The following VRK2 variants were observed in gnomAD, a reference collection of about 807,000 sequenced individuals.
VRK2 encodes serine/threonine-protein kinase VRK2.
VRK2 carries 60 observed loss-of-function variants against 57.6 expected under a neutral mutation model. That is an observed-to-expected ratio of 1.04 (90% CI 0.85 to 1.29). VRK2 has a LOEUF of 1.29. Ranked by LOEUF, VRK2 falls within the 50% of genes most tolerant of loss-of-function variation. The probability of loss-of-function intolerance (pLI) is 0.00; values close to 1 mark genes in which losing one functional copy is unlikely to be tolerated. For missense variants in VRK2, 705 were observed against 588.1 expected (o/e 1.20, Z -2.06); for synonymous variants, 231 against 199.2 (o/e 1.16, Z -1.35).
chr2:58,026,100 T>C (rs1303833971), intron 2 of VRK2, among the ~76,000 whole-genome samples: 2 of 152,152 alleles, frequency 1.3e-5, no homozygotes, highest in Non-Finnish European at 2.9e-5. Flanking sequence ...CCTCTTTCAA[T>C]GTACTCTGTC....
intron 7 of VRK2, among the ~76,000 whole-genome samples, chr2:58,099,870 A>G (rs1292181535): frequency 6.6e-6 from 1 of 152,082 alleles, no homozygotes; most frequent in Non-Finnish European, 1.5e-5. Flanking sequence ...TGAGATTTCA[A>G]CTAAGTGATC....
chr2:58,032,932 T>A (rs1674161145), intron 2 of VRK2, among the ~76,000 whole-genome samples: 1 of 152,096 alleles, frequency 6.6e-6, no homozygotes, highest in Admixed American at 6.6e-5. Context: ...CGTAATTTGT[T>A]GTGTGTGGGT....
rs569975338 is a variant in VRK2 at position 58,117,397 on chromosome 2, A to C, written c.544-5704A>C. Among the ~76,000 whole-genome samples the C allele has an allele frequency of 2.0e-5, 3 of 152,142 alleles. No homozygotes were observed. In the East Asian group the frequency reaches 5.8e-4, roughly 29 times the overall value. On this transcript the variant is annotated intron_variant, in intron 7 of 12. Coordinates refer to ENST00000340157, the MANE Select transcript of VRK2 (RefSeq NM_006296.7). ...AGGTGTGAGGAGGGGAGGCGATAAAAAGATTACAGGGTGGAGGAGCAGAGG... is the reference window on the plus strand; with the variant it reads ...AGGTGTGAGGAGGGGAGGCGATAAACAGATTACAGGGTGGAGGAGCAGAGG...
At chr2:57,950,712 G>A (rs980191775) in intron 1 of VRK2, among the ~76,000 whole-genome samples, 26 of 152,156 alleles carry the variant, frequency 1.7e-4, no homozygotes, top group Non-Finnish European at 3.8e-4. Flanking sequence ...GGCTACAGCT[G>A]TCATAGATGG....
intron 1 of VRK2, among the ~76,000 whole-genome samples, chr2:58,017,441 G>C (rs993813373): frequency 2.6e-5 from 4 of 152,178 alleles, no homozygotes; most frequent in Non-Finnish European, 4.4e-5. Context: ...CCTAATCAGA[G>C]ACTAGTTATT....
intron 7 of VRK2, among the ~76,000 whole-genome samples, chr2:58,114,122 G>C (rs1404878879): frequency 2.0e-5 from 3 of 152,120 alleles, no homozygotes; most frequent in Admixed American, 1.3e-4. Flanking sequence ...ATACGGTTTT[G>C]TATGAATTGA....
intron 12 of VRK2, among the ~76,000 whole-genome samples, chr2:58,158,737 C>T (rs748955250): frequency 2.0e-5 from 3 of 152,004 alleles, no homozygotes; most frequent in Non-Finnish European, 2.9e-5. Context: ...AAGTAGCTCC[C>T]GAAACTTGCA....
intron 1 of VRK2, among the ~76,000 whole-genome samples, chr2:57,960,794 C>T (rs1467295204): frequency 2.6e-5 from 4 of 152,162 alleles, no homozygotes; most frequent in African/African-American, 4.8e-5. Flanking sequence ...AGACCAGGAT[C>T]CAGCCATAAT....
intron 2 of VRK2, among the ~76,000 whole-genome samples, chr2:58,029,996 C>G (rs1160041554): frequency 6.6e-6 from 1 of 152,130 alleles, no homozygotes; most frequent in African/African-American, 2.4e-5. Flanking sequence ...CAATACTTTA[C>G]TTTTCATCTA....
chr2:58,139,750 ACCCTC>A lies in VRK2; in HGVS notation c.942_946del (p.Asn314LysfsTer28). 2.5e-6 allele frequency: 4 copies of A among 1,613,264 alleles called. No homozygotes were observed. The highest frequency in any genetic ancestry group is 2.5e-6 in the Non-Finnish European group (3 of 1,179,438). ...TATCAAGCCCTCAAGAAAATTTTGA[ACCCTC>A]ATGGAATACCTTTAGGACCACTGGA... On this transcript the variant is annotated frameshift_variant, in exon 11 of 13. Coordinates refer to ENST00000340157, the MANE Select transcript of VRK2 (RefSeq NM_006296.7). LOFTEE classifies it high-confidence loss of function.
intron 1 of VRK2, among the ~76,000 whole-genome samples, chr2:57,916,690 G>C (rs1312052088): frequency 6.6e-6 from 1 of 152,030 alleles, no homozygotes; most frequent in Non-Finnish European, 1.5e-5. Flanking sequence ...TAAGTATCTT[G>C]CCCAAAGTGA....
intron 1 of VRK2, among the ~76,000 whole-genome samples, chr2:57,982,876 C>T (rs1407199905): frequency 6.6e-6 from 1 of 152,194 alleles, no homozygotes; most frequent in Admixed American, 6.5e-5. Context: ...CAAGGCTCCA[C>T]ACGGGCTAGA....
At chr2:57,925,945 G>GA (rs1461649243) in intron 1 of VRK2, among the ~76,000 whole-genome samples, 3 of 151,582 alleles carry the variant, frequency 2.0e-5, no homozygotes, top group East Asian at 1.9e-4. Context: ...TCATTTGTTT[G>GA]AAAAAAATGT....
rs1359687489 is a variant in VRK2, at chr2:58,146,474, G to C, written c.1182G>C (p.Gln394His). 1 of 1,606,308 alleles carries C rather than the reference G, an allele frequency of 6.2e-7. No homozygotes were observed. Among genetic ancestry groups the C allele is most frequent in the South Asian group, 1.1e-5 (1 of 89,826 alleles). Residue 394 changes from glutamine to histidine, a missense_variant and splice_region_variant, in exon 12 of 13, where the codon CAG (glutamine) becomes CAC (histidine). Coordinates refer to ENST00000340157, the MANE Select transcript of VRK2 (RefSeq NM_006296.7). ...LIGLMNNEAA[Q>H]ESTRRRQKYQ... ...GATTGATGAACAATGAAGCAGCTCA[G>C]GTGAGAGGGTTGTTTGTGTGTGTTT...
At chr2:57,931,908 T>C (rs550838220) in intron 1 of VRK2, among the ~76,000 whole-genome samples, 5 of 152,236 alleles carry the variant, frequency 3.3e-5, no homozygotes, top group African/African-American at 1.2e-4. Flanking sequence ...TTGGTGCCTT[T>C]GTCAAAAATT....
At chr2:58,137,191 TAC>T (rs1680518285) in intron 10 of VRK2, among the ~76,000 whole-genome samples, 2 of 65,298 alleles carry the variant, frequency 3.1e-5, no homozygotes, top group East Asian at 3.4e-4. Context: ...TCATATATGA[TAC>T]ATATATATCT....
intron 1 of VRK2, among the ~76,000 whole-genome samples, chr2:57,959,713 T>C (rs549576493): frequency 2.6e-5 from 4 of 152,248 alleles, no homozygotes; most frequent in South Asian, 2.1e-4. Flanking sequence ...GAAAATACAA[T>C]TTATCCAGAG....
chr2:58,076,227 A>T (rs552759477), intron 2 of VRK2, among the ~76,000 whole-genome samples: 1 of 151,476 alleles, frequency 6.6e-6, no homozygotes, highest in South Asian at 2.1e-4. Flanking sequence ...ATGTCCTCAT[A>T]AGTCCATCAT....
intron 2 of VRK2, 139 bp downstream of exon 2, chr2:58,049,106 TA>T: frequency 9.1e-7 from 1 of 1,104,396 alleles, no homozygotes; most frequent in African/African-American, 1.6e-5. Flanking sequence ...GATTAAGTAA[TA>T]ATAGAGTACA....
Sources: gnomAD v4.1 joint callset for allele counts (sites outside exome capture counted in the v4.1 genomes callset) on GRCh38, gnomAD v4.1.1 for gene constraint, MANE v1.5 for transcripts, NCBI Gene and HGNC (gene_info 2026-07-23, HGNC 2026-07-21) for gene names.